The following MYO9A variants were observed in gnomAD, a reference collection of about 807,000 sequenced individuals.
The protein encoded by MYO9A is myosin IXA.
MYO9A carries 103 observed loss-of-function variants against 293.3 expected under a neutral mutation model. That is an observed-to-expected ratio of 0.35 (90% CI 0.30 to 0.41). The LOEUF is 0.41. MYO9A is among the 10% of genes least tolerant of loss of function. MYO9A has a pLI of 1.00. For synonymous variants in MYO9A, 1,001 were observed against 1,035.7 expected, an observed-to-expected ratio of 0.97 and a Z score of 0.64; for missense variants, 2,685 against 3,033.0, an observed-to-expected ratio of 0.89 and a Z score of 2.69.
At chr15:71,932,876 A>G (rs1427735262) in intron 18 of MYO9A, among the ~76,000 whole-genome samples, 3 of 152,146 alleles carry the variant, frequency 2.0e-5, no homozygotes, top group African/African-American at 7.2e-5. Context: ...TGGATATACC[A>G]CAGTGTGTTT....
rs933253007 is a variant in MYO9A at position 71,902,928 on chromosome 15, A to G, written c.3000+13T>C. On this transcript the variant is annotated intron_variant, in intron 22 of 41. Coordinates refer to ENST00000356056, the MANE Select transcript of MYO9A (RefSeq NM_006901.4). ...CACTCAATTTTGACCAGAGCTATAC[A>G]GATTATATTTACCATGGTTTTTCCA... The G allele has an allele frequency of 6.4e-7, 1 of 1,556,316 alleles. No homozygotes were observed. Among genetic ancestry groups the G allele is most frequent in the Non-Finnish European group, 8.8e-7 (1 of 1,140,102 alleles).
intron 12 of MYO9A, among the ~76,000 whole-genome samples, chr15:71,974,069 A>C (rs1170448166): frequency 6.6e-6 from 1 of 152,230 alleles, no homozygotes; most frequent in Middle Eastern, 3.2e-3. Flanking sequence ...TTCCTTACCC[A>C]GTGGAAGATG....
intron 14 of MYO9A, among the ~76,000 whole-genome samples, chr15:71,953,460 A>G (rs754690565): frequency 1.3e-5 from 2 of 152,268 alleles, no homozygotes; most frequent in African/African-American, 2.4e-5. Context: ...ATTCAAGAAT[A>G]TTATGTGTTA....
At chr15:71,933,902 A>G (rs1405845912) in intron 17 of MYO9A, among the ~76,000 whole-genome samples, 193 bp from the exon 18 acceptor site, 1 of 152,168 alleles carries the variant, frequency 6.6e-6, no homozygotes, top group African/African-American at 2.4e-5. Context: ...AGAATAAACA[A>G]GGAAAAGATA....
intron 34 of MYO9A, among the ~76,000 whole-genome samples, chr15:71,855,975 G>A (rs1320239573): frequency 3.3e-5 from 5 of 151,964 alleles, no homozygotes; most frequent in Admixed American, 3.3e-4. Flanking sequence ...TCATTTATGT[G>A]TTAGGTACCA....
At chr15:71,830,457 T>C in intron 39 of MYO9A, 146 bp from the exon 40 acceptor site, 1 of 766,932 alleles carries the variant, frequency 1.3e-6, no homozygotes, top group African/African-American at 1.8e-5. Context: ...GGATATTTAG[T>C]GAGACATATT....
chr15:71,901,913 T>A (rs2057497182), intron 22 of MYO9A, among the ~76,000 whole-genome samples: 1 of 152,340 alleles, frequency 6.6e-6, no homozygotes, highest in Non-Finnish European at 1.5e-5. Context: ...TAACAGTCTT[T>A]TTGAAATCCA....
intron 18 of MYO9A, among the ~76,000 whole-genome samples, chr15:71,925,251 G>A (rs990566570): frequency 9.0e-5 from 13 of 144,826 alleles, no homozygotes; most frequent in Admixed American, 1.4e-4. Context: ...ATACATATAC[G>A]TATACACATA....
chr15:71,898,552 A>T lies in MYO9A; in HGVS notation c.3951T>A (p.Ser1317=). 6.2e-7 allele frequency: 1 copy of T among 1,614,050 alleles called. No individual in the cohort carries two copies. Among genetic ancestry groups the T allele is most frequent in the Non-Finnish European group, 8.5e-7 (1 of 1,180,014 alleles). ...STELVPEGLQ[S]PRGTPDSESS... The stretch of plus-strand genomic sequence containing the variant: ...TCTCACTATCAGGTGTACCCCGTGG[A>T]GACTGAAGGCCTTCAGGCACCAATT... The change falls in exon 25 of 42, where the codon TCT becomes TCA. Residue 1317 remains serine, a synonymous_variant. Coordinates refer to ENST00000356056, the MANE Select transcript of MYO9A (RefSeq NM_006901.4).
intron 18 of MYO9A, among the ~76,000 whole-genome samples, chr15:71,923,898 T>C (rs567941716): frequency 6.6e-6 from 1 of 152,278 alleles, no homozygotes; most frequent in South Asian, 2.1e-4. Context: ...GTTTATTTTG[T>C]TCTCATTTTT....
In MYO9A at chr15:71,826,685, C is replaced by T. The variant is rs1187858336; in HGVS notation, c.7542G>A (p.Glu2514=). ...NVKNSPQKTK[E]TPEGTVMSGR... ...CAGACATGACTGTCCCCTCTGGGGTCTCTTTGGTTTTCTGAGGTGAGTTTT... is the reference window on the plus strand; with the variant it reads ...CAGACATGACTGTCCCCTCTGGGGTTTCTTTGGTTTTCTGAGGTGAGTTTT... The change falls in exon 42 of 42, where the codon GAG becomes GAA. Residue 2514 remains glutamate, a synonymous_variant. Coordinates refer to ENST00000356056, the MANE Select transcript of MYO9A (RefSeq NM_006901.4). 1 of 1,613,956 alleles carries T rather than the reference C, an allele frequency of 6.2e-7. No homozygotes were observed. Among genetic ancestry groups the T allele is most frequent in the Non-Finnish European group, 8.5e-7 (1 of 1,179,984 alleles).
chr15:72,019,069 G>A lies in MYO9A; in HGVS notation c.1125C>T (p.Ser375=). Residue 375 remains serine, a synonymous_variant, in exon 6 of 42, where the codon AGC becomes AGT. Coordinates refer to ENST00000356056, the MANE Select transcript of MYO9A (RefSeq NM_006901.4). Reference sequence around the variant, plus strand: ...CAGAGTCATAGCAATAATCATCCCAGCTCTGTCTGAGGGGTTTCTTTGTTA... The same window carrying A: ...CAGAGTCATAGCAATAATCATCCCAACTCTGTCTGAGGGGTTTCTTTGTTA... The part of the protein sequence containing the change: ...NQITKKPLRQ[S]WDDYCYDSEP... 6.2e-7 allele frequency: 1 copy of A among 1,613,800 alleles called. No individual in the cohort carries two copies. Among genetic ancestry groups the A allele is most frequent in the Non-Finnish European group, 8.5e-7 (1 of 1,179,800 alleles).
chr15:71,902,252 T>G (rs551094577), intron 22 of MYO9A, among the ~76,000 whole-genome samples: 3 of 151,832 alleles, frequency 2.0e-5, no homozygotes, highest in South Asian at 2.1e-4. Flanking sequence ...AATATGAAGG[T>G]TCTCAAAAAA....
rs1338687280 is a variant in MYO9A, at chr15:71,957,144, CT to C, written c.2182+2756del. 1.9e-4 allele frequency among the ~76,000 whole-genome samples: 29 copies of C among 152,236 alleles called. 1 individual carries two copies. The highest frequency in any genetic ancestry group is 1.6e-3 in the Admixed American group (24 of 15,294). On this transcript the variant is annotated intron_variant, in intron 14 of 41. Coordinates refer to ENST00000356056, the MANE Select transcript of MYO9A (RefSeq NM_006901.4). ...GGGTCAAATACAATTCTATATTTAA[CT>C]TTCTGAGGAACTGCCAAAACGTATT...
At chr15:72,070,397 G>A (rs966953853) in intron 1 of MYO9A, among the ~76,000 whole-genome samples, 3 of 151,316 alleles carry the variant, frequency 2.0e-5, no homozygotes, top group Admixed American at 2.0e-4. Flanking sequence ...AGGTTGCAGT[G>A]AGCAGAGATT....
intron 35 of MYO9A, 102 bp from the exon 36 acceptor site, chr15:71,852,362 CTTTTTT>C: frequency 7.2e-5 from 44 of 613,474 alleles, no homozygotes; most frequent in East Asian, 1.6e-4. Flanking sequence ...CTTCATGTTT[CTTTTTT>C]TTTTTTTTTT....
At chr15:71,889,027 T>C (rs992395543) in intron 26 of MYO9A, among the ~76,000 whole-genome samples, 1 of 152,114 alleles carries the variant, frequency 6.6e-6, no homozygotes, top group African/African-American at 2.4e-5. Flanking sequence ...TTCTAGGCTG[T>C]GATGCAGAGA....
intron 32 of MYO9A, among the ~76,000 whole-genome samples, chr15:71,872,801 T>A (rs1183840658): frequency 6.6e-6 from 1 of 152,182 alleles, no homozygotes; most frequent in East Asian, 1.9e-4. Flanking sequence ...GATATTAAAA[T>A]TTTTAAAAAC....
At chr15:71,875,528 C>T (rs1361493060) in intron 32 of MYO9A, among the ~76,000 whole-genome samples, 2 of 152,114 alleles carry the variant, frequency 1.3e-5, no homozygotes, top group Non-Finnish European at 2.9e-5. Flanking sequence ...GCTCCTTCCC[C>T]ACCCCTAGTT....
Sources: gnomAD v4.1 joint callset for allele counts (sites outside exome capture counted in the v4.1 genomes callset) on GRCh38, gnomAD v4.1.1 for gene constraint, MANE v1.5 for transcripts, NCBI Gene and HGNC (gene_info 2026-07-23, HGNC 2026-07-21) for gene names.